The following PEMT variants were observed in gnomAD, a reference collection of about 807,000 sequenced individuals.
PEMT encodes the protein phospholipid methyltransferase.
In PEMT, 23 loss-of-function variants were observed where a neutral mutation model predicts 27.4. The ratio of observed to expected loss-of-function variants is 0.84; its 90% CI spans 0.60 to 1.19. PEMT has a LOEUF of 1.19. PEMT is among the 50% of genes most tolerant of loss of function. The probability of loss-of-function intolerance (pLI) is 0.00; values close to 1 mark genes in which losing one functional copy is unlikely to be tolerated. For missense variants in PEMT, 307 were observed against 310.1 expected, an observed-to-expected ratio of 0.99 and a Z score of 0.07; for synonymous variants, 137 against 139.1, an observed-to-expected ratio of 0.98 and a Z score of 0.11.
At chr17:17,579,132 T>TG (rs1279636321) in intron 1 of PEMT, among the ~76,000 whole-genome samples, 1 of 152,246 alleles carries the variant, frequency 6.6e-6, no homozygotes, top group East Asian at 1.9e-4. Context: ...CAGCCAGCCC[T>TG]GGGGGGCAAG....
intron 5 of PEMT, among the ~76,000 whole-genome samples, chr17:17,509,097 C>G (rs1906138105): frequency 6.6e-6 from 1 of 152,278 alleles, no homozygotes. Context: ...GTAAGTGGAG[C>G]TGTGCTGGCG....
intron 1 of PEMT, among the ~76,000 whole-genome samples, chr17:17,590,316 A>AT (rs1912526469): frequency 6.6e-6 from 1 of 152,180 alleles, no homozygotes; most frequent in African/African-American, 2.4e-5. Flanking sequence ...CCAGCGGCCC[A>AT]TCTCCTCCTG....
At chr17:17,507,567 G>A (rs1905976582) in intron 5 of PEMT, 1 of 268,788 alleles carries the variant, frequency 3.7e-6, no homozygotes, top group Non-Finnish European at 7.1e-6. Flanking sequence ...CGACCCCACT[G>A]TGGGCGCCGA....
intron 5 of PEMT, chr17:17,508,930 G>A (rs1429608040): frequency 3.4e-5 from 11 of 326,816 alleles, no homozygotes; most frequent in Admixed American, 1.4e-4. Context: ...AAGATGGGTC[G>A]GGTGGTCCCA....
chr17:17,507,199 G>A (rs1193776005), intron 5 of PEMT: 10 of 1,556,992 alleles, frequency 6.4e-6, no homozygotes, highest in Non-Finnish European at 8.7e-6. Context: ...CAGGTGCTGG[G>A]CTGCTGCCAG....
intron 2 of PEMT, among the ~76,000 whole-genome samples, chr17:17,533,873 G>A (rs1466611318): frequency 6.6e-6 from 1 of 152,080 alleles, no homozygotes; most frequent in Admixed American, 6.5e-5. Context: ...TGGGATTACA[G>A]GTGCATGCCA....
At position 17,568,996 on chromosome 17, in the gene PEMT, C is replaced by T. The variant is rs993819271; in HGVS notation, c.204+7924G>A. ...ACCCCAGGCCCAGCCAGCGGCCCAG[C>T]GCAGCAAGTGGACTCTCACCTCCCA... On this transcript the variant is annotated intron_variant, in intron 2 of 6. Coordinates refer to ENST00000255389, the MANE Select transcript of PEMT (RefSeq NM_148172.3). 7.2e-5 allele frequency among the ~76,000 whole-genome samples: 11 copies of T among 152,270 alleles called. No homozygotes were observed. The East Asian group carries it at 1.9e-3, about 27-fold the overall frequency.
chr17:17,515,123 ACT>A (rs1362195138), intron 3 of PEMT, among the ~76,000 whole-genome samples: 3 of 151,708 alleles, frequency 2.0e-5, no homozygotes, highest in Non-Finnish European at 2.9e-5. Context: ...CTGGACGGAG[ACT>A]CTGTCGCTCT....
intron 1 of PEMT, among the ~76,000 whole-genome samples, chr17:17,586,866 G>C (rs1912344374): frequency 6.6e-6 from 1 of 152,098 alleles, no homozygotes; most frequent in Admixed American, 6.6e-5. Context: ...AACCAGGCGT[G>C]GTGGAGGGCG....
At chr17:17,570,658 G>A in intron 2 of PEMT, 3 of 985,446 alleles carry the variant, frequency 3.0e-6, no homozygotes, top group Non-Finnish European at 3.6e-6. Flanking sequence ...GATGACTGAG[G>A]ATACAGGTGG....
At chr17:17,548,487 C>T (rs1909414983) in intron 2 of PEMT, among the ~76,000 whole-genome samples, 1 of 152,200 alleles carries the variant, frequency 6.6e-6, no homozygotes, top group Non-Finnish European at 1.5e-5. Context: ...CTCCTCGAGG[C>T]ATCAGAACAT....
chr17:17,591,739 C>T (rs1392696320), upstream of PEMT: 18 of 1,471,970 alleles, frequency 1.2e-5, no homozygotes, highest in Non-Finnish European at 1.6e-5. Context: ...CCCGGTGACC[C>T]CCAACATATT....
intron 2 of PEMT, among the ~76,000 whole-genome samples, chr17:17,557,338 T>C (rs1239284097): frequency 2.0e-5 from 3 of 152,190 alleles, no homozygotes; most frequent in Non-Finnish European, 4.4e-5. Flanking sequence ...TGTTTCTTTG[T>C]CCCTTGCTTC....
intron 2 of PEMT, among the ~76,000 whole-genome samples, chr17:17,554,178 G>A (rs1909877809): frequency 2.6e-5 from 4 of 152,240 alleles, no homozygotes; most frequent in Admixed American, 6.5e-5. Context: ...GACATACCTT[G>A]TGCAGAGAAG....
At chr17:17,572,032 T>TG (rs1490652958) in intron 2 of PEMT, among the ~76,000 whole-genome samples, 1 of 152,172 alleles carries the variant, frequency 6.6e-6, no homozygotes, top group Non-Finnish European at 1.5e-5. Context: ...AGGACATCCG[T>TG]GTCTGACACA....
In PEMT at chr17:17,548,326, G is replaced by A. The variant is rs574086825; in HGVS notation, c.205-25931C>T. On this transcript the variant is annotated intron_variant, in intron 2 of 6. Coordinates refer to ENST00000255389, the MANE Select transcript of PEMT (RefSeq NM_148172.3). Reference sequence around the variant, plus strand: ...CTGAGGGCTGACCATCCAGTGGGGAGGGACAGCGTGTATACAACATGCCAT... The same window carrying A: ...CTGAGGGCTGACCATCCAGTGGGGAAGGACAGCGTGTATACAACATGCCAT... Among the ~76,000 whole-genome samples, 16 of 152,368 alleles carry A rather than the reference G, an allele frequency of 1.1e-4. No individual in the cohort carries two copies. The East Asian group carries it at 3.1e-3, about 29-fold the overall frequency.
At chr17:17,510,007 A>G (rs1230711257) in intron 4 of PEMT, among the ~76,000 whole-genome samples, 1 of 151,824 alleles carries the variant, frequency 6.6e-6, no homozygotes, top group East Asian at 1.9e-4. Context: ...CTCTCCCTCT[A>G]GGGGCCTCAG....
chr17:17,559,278 G>A (rs963195667), intron 2 of PEMT, among the ~76,000 whole-genome samples: 1 of 152,214 alleles, frequency 6.6e-6, no homozygotes, highest in East Asian at 1.9e-4. Context: ...GGAACACTAC[G>A]TTAGGACTTC....
intron 3 of PEMT, among the ~76,000 whole-genome samples, chr17:17,519,397 A>AG (rs1907098378): frequency 6.6e-6 from 1 of 152,246 alleles, no homozygotes; most frequent in Non-Finnish European, 1.5e-5. Context: ...CTGGCTGGGC[A>AG]GATGCCAGGT....
Sources: gnomAD v4.1 joint callset for allele counts (sites outside exome capture counted in the v4.1 genomes callset) on GRCh38, gnomAD v4.1.1 for gene constraint, MANE v1.5 for transcripts, NCBI Gene and HGNC (gene_info 2026-07-23, HGNC 2026-07-21) for gene names.